The following TPTE variants were observed in gnomAD, a reference collection of about 807,000 sequenced individuals.
TPTE encodes the protein putative tyrosine-protein phosphatase TPTE.
A neutral mutation model predicts 84.1 loss-of-function variants in TPTE; 59 were observed. That is an observed-to-expected ratio of 0.70 (90% CI 0.57 to 0.87). The LOEUF is 0.87. Ranked by LOEUF, TPTE falls within the 40% of genes least tolerant of loss-of-function variation. The pLI is 0.00. For synonymous variants in TPTE, 130 were observed against 223.5 expected (o/e 0.58, Z 3.73); for missense variants, 382 against 659.6 (o/e 0.58, Z 4.61).
chr21:10,529,305 A>G (rs1219425366), intron 3 of TPTE, among the ~76,000 whole-genome samples: 1 of 152,310 alleles, frequency 6.6e-6, no homozygotes. Flanking sequence ...CAATGCCAAA[A>G]ATGTTTAAAA....
chr21:10,549,589 G>A (rs1386863129), intron 7 of TPTE, among the ~76,000 whole-genome samples: 1 of 152,294 alleles, frequency 6.6e-6, no homozygotes, highest in African/African-American at 2.4e-5. Flanking sequence ...ACAAGAACAA[G>A]CAGAAGAAAT....
intron 10 of TPTE, among the ~76,000 whole-genome samples, chr21:10,566,136 T>C (rs1165051421): frequency 3.3e-5 from 5 of 152,304 alleles, no homozygotes; most frequent in Admixed American, 3.3e-4. Context: ...AACCAGAATA[T>C]GTAAGGAGCT....
intron 21 of TPTE, among the ~76,000 whole-genome samples, chr21:10,600,482 C>T (rs1269209094): frequency 6.6e-6 from 1 of 152,308 alleles, no homozygotes; most frequent in African/African-American, 2.4e-5. Flanking sequence ...GTCTTTTTCC[C>T]TCCATTTGGA....
chr21:10,594,055 G>T (rs1297313832), intron 19 of TPTE, among the ~76,000 whole-genome samples: 6 of 152,302 alleles, frequency 3.9e-5, no homozygotes, highest in Admixed American at 1.3e-4. Flanking sequence ...CCATTTCCAT[G>T]CTTAAAATCC....
rs764850131 is a variant in TPTE, at chr21:10,569,669, T to C, written c.667-14T>C. The C allele has an allele frequency of 6.2e-7, 1 of 1,613,996 alleles. No homozygotes were observed. The highest frequency in any genetic ancestry group is 1.1e-5 in the South Asian group (1 of 91,060). On this transcript the variant is annotated splice_polypyrimidine_tract_variant and intron_variant, in intron 12 of 23. Coordinates refer to ENST00000618007, the MANE Select transcript of TPTE (RefSeq NM_199261.4). ...TGAGTGTTTCACAAACTAATGACGA[T>C]TTTAAACTGTCAGGTTTCAGAAAAC...
At chr21:10,531,613 C>T (rs1305758621) in intron 3 of TPTE, among the ~76,000 whole-genome samples, 5 of 152,310 alleles carry the variant, frequency 3.3e-5, no homozygotes, top group African/African-American at 9.6e-5. Context: ...GTATTCAAAT[C>T]ATCCTTCATA....
At chr21:10,547,218 C>G (rs889408106) in intron 7 of TPTE, among the ~76,000 whole-genome samples, 1 of 152,312 alleles carries the variant, frequency 6.6e-6, no homozygotes, top group African/African-American at 2.4e-5. Context: ...TGCTCATCTC[C>G]CCTACAAGAA....
At position 10,542,461 on chromosome 21, in the gene TPTE, T is replaced by C. The variant is rs1346338285; in HGVS notation, c.119+13T>C. ...CTGCGAAAGAAAGGTGAGCAATAAA[T>C]AGTTAAAGTCACCCGTCAGCATAAG... is the stretch of plus-strand genomic sequence containing the variant. On this transcript the variant is annotated intron_variant, in intron 6 of 23. Coordinates refer to ENST00000618007, the MANE Select transcript of TPTE (RefSeq NM_199261.4). The C allele has an allele frequency of 6.2e-7, 1 of 1,609,946 alleles. No homozygotes were observed. The highest frequency in any genetic ancestry group is 1.1e-5 in the South Asian group (1 of 90,988).
At chr21:10,539,766 CT>C (rs2145611657) in intron 4 of TPTE, among the ~76,000 whole-genome samples, 1 of 152,428 alleles carries the variant, frequency 6.6e-6, no homozygotes, top group South Asian at 2.1e-4. Context: ...AGTCCTAGCA[CT>C]TTGGGAGGCC....
intron 3 of TPTE, among the ~76,000 whole-genome samples, chr21:10,534,040 A>G (rs2074226258): frequency 6.6e-6 from 1 of 152,310 alleles, no homozygotes; most frequent in East Asian, 1.9e-4. Context: ...CAGCTGCTGT[A>G]ATTGACTGAG....
In TPTE at chr21:10,578,612, A is replaced by T. The variant is rs1421560891; in HGVS notation, c.1027+7A>T. 2 of 1,611,818 alleles carry T rather than the reference A, an allele frequency of 1.2e-6. No individual in the cohort carries two copies. The highest frequency in any genetic ancestry group is 1.7e-6 in the Non-Finnish European group (2 of 1,179,802). On this transcript the variant is annotated splice_region_variant and intron_variant, in intron 17 of 23. Coordinates refer to ENST00000618007, the MANE Select transcript of TPTE (RefSeq NM_199261.4). ...CACTGTAAAGGAGGCACAGGTAATA[A>T]CATTTTCCTTTTTATTTCTCCATTT... is the stretch of plus-strand genomic sequence containing the variant.
intron 23 of TPTE, among the ~76,000 whole-genome samples, chr21:10,605,109 T>G (rs1480474026): frequency 4.6e-5 from 7 of 152,294 alleles, no homozygotes; most frequent in Admixed American, 1.3e-4. Flanking sequence ...CTTTCATTCA[T>G]GTCTATCCTG....
intron 21 of TPTE, among the ~76,000 whole-genome samples, chr21:10,599,638 T>G (rs1386784213): frequency 6.6e-6 from 1 of 152,308 alleles, no homozygotes; most frequent in East Asian, 1.9e-4. Context: ...CTCAACCATA[T>G]TTTTCAACAA....
chr21:10,527,155 T>TCACA lies in TPTE; in HGVS notation c.-101-199_-101-198insACAC, dbSNP rs1302903658. Among the ~76,000 whole-genome samples, 20 of 144,628 alleles carry TCACA rather than the reference T, an allele frequency of 1.4e-4. No individual in the cohort carries two copies. The South Asian group carries it at 2.7e-3, about 20-fold the overall frequency. 94.9% of individuals were successfully genotyped at this position (144,628 alleles called of 152,430 possible). A position where few individuals can be genotyped will look rare whatever the true frequency, so the allele number is the denominator to read the frequency against. On this transcript the variant is annotated intron_variant, in intron 2 of 23. Coordinates refer to ENST00000618007, the MANE Select transcript of TPTE (RefSeq NM_199261.4). ...TCCCCTCTCTCTCTCTCTCTCTCTC[T>TCACA]CTCACACACACACACAGACACACAC... is the stretch of plus-strand genomic sequence containing the variant.
At chr21:10,534,733 T>A (rs1284206699) in intron 3 of TPTE, among the ~76,000 whole-genome samples, 1 of 152,304 alleles carries the variant, frequency 6.6e-6, no homozygotes, top group Non-Finnish European at 1.5e-5. Context: ...TCTTGGACAC[T>A]GTTTCTGAAG....
At chr21:10,529,776 G>A (rs1200738623) in intron 3 of TPTE, among the ~76,000 whole-genome samples, 3 of 152,426 alleles carry the variant, frequency 2.0e-5, no homozygotes, top group Non-Finnish European at 4.4e-5. Flanking sequence ...TCCATGTTGG[G>A]GGGAGATACT....
At chr21:10,586,088 T>C (rs1291737154) in intron 17 of TPTE, among the ~76,000 whole-genome samples, 1 of 152,300 alleles carries the variant, frequency 6.6e-6, no homozygotes, top group Admixed American at 6.5e-5. Flanking sequence ...ATTACTATTA[T>C]ATTTAGTACT....
chr21:10,548,612 G>A (rs1292325676), intron 7 of TPTE, among the ~76,000 whole-genome samples: 1 of 152,308 alleles, frequency 6.6e-6, no homozygotes, highest in Non-Finnish European at 1.5e-5. Context: ...GGACAGCTGA[G>A]AAGTCATTTG....
chr21:10,575,168 G>A (rs1386998800), intron 14 of TPTE, among the ~76,000 whole-genome samples: 1 of 152,426 alleles, frequency 6.6e-6, no homozygotes, highest in East Asian at 1.9e-4. Flanking sequence ...AGCCACTCCA[G>A]CCTGCCAGCT....
Sources: allele counts gnomAD v4.1 joint callset (sites outside exome capture counted in the v4.1 genomes callset), GRCh38; gene constraint gnomAD v4.1.1; transcripts MANE v1.5; gene names NCBI Gene and HGNC (gene_info 2026-07-23, HGNC 2026-07-21).